Variants in IQSEC1 observed in about 807,000 individuals in gnomAD.
IQSEC1 encodes IQ motif and Sec7 domain ArfGEF 1, also known as IQ motif and SEC7 domain-containing protein 1.
In IQSEC1, 31 loss-of-function variants were observed where a neutral mutation model predicts 91.0. The observed-to-expected ratio is 0.34, with a 90% CI of 0.26 to 0.46. IQSEC1 has a LOEUF of 0.46. Among genes scored for constraint, IQSEC1 ranks in the 20% least tolerant of loss-of-function variants. The pLI, the probability that IQSEC1 is intolerant of heterozygous loss-of-function variation, is 1.00. For synonymous variants in IQSEC1, 699 were observed against 662.6 expected, an observed-to-expected ratio of 1.05 and a Z score of -0.84; for missense variants, 1,388 against 1,575.6, an observed-to-expected ratio of 0.88 and a Z score of 2.02.
In IQSEC1 at chr3:13,211,586, A is replaced by T. The variant is rs80007365; in HGVS notation, c.273-47453T>A. Among the ~76,000 whole-genome samples the T allele has an allele frequency of 7.1e-3, 1,077 of 152,186 alleles. 12 individuals carry two copies. The highest frequency in any genetic ancestry group is 0.024 in the African/African-American group (998 of 41,536). On this transcript the variant is annotated intron_variant, in intron 1 of 15. Transcript: ENST00000648114. This position sits in a 1 kb window ranked among gnomAD's most constrained non-coding sequence, Gnocchi z 5.3. ...TAGGAGCCCACAGGGCCAGCAGGAGAGTCACCATCCTTGCCTCTCCATGGC... is the reference window on the plus strand; with the variant it reads ...TAGGAGCCCACAGGGCCAGCAGGAGTGTCACCATCCTTGCCTCTCCATGGC...
At chr3:13,144,860 G>A (rs1279437682) in intron 2 of IQSEC1, among the ~76,000 whole-genome samples, 1 of 152,232 alleles carries the variant, frequency 6.6e-6, no homozygotes, top group Admixed American at 6.5e-5. Flanking sequence ...TCTGGAAGCA[G>A]CGCTTGGGCC....
chr3:12,915,808 G>T, intron 6 of IQSEC1, 75 bp from the exon 7 acceptor site: 1 of 1,561,912 alleles, frequency 6.4e-7, no homozygotes. Context: ...AAGCAAATCA[G>T]AGGAGCGAAC....
chr3:13,116,180 A>T (rs1012791755), intron 2 of IQSEC1, among the ~76,000 whole-genome samples: 2 of 152,180 alleles, frequency 1.3e-5, no homozygotes. Flanking sequence ...AGTGCTGACT[A>T]GGTGCCTGTG....
At chr3:12,980,522 C>A (rs575353273) in intron 1 of IQSEC1, among the ~76,000 whole-genome samples, 1 of 152,180 alleles carries the variant, frequency 6.6e-6, no homozygotes, top group Non-Finnish European at 1.5e-5. Context: ...GGTTTGGAAC[C>A]CCCTGGAGTG....
upstream of IQSEC1, among the ~76,000 whole-genome samples, chr3:13,073,778 C>T (rs1705514103): frequency 6.6e-6 from 1 of 152,264 alleles, no homozygotes; most frequent in East Asian, 1.9e-4. Context: ...CCGGCCGACT[C>T]CAAGGCTGTC....
intron 2 of IQSEC1, among the ~76,000 whole-genome samples, chr3:13,152,996 C>A (rs985678531): frequency 1.3e-5 from 2 of 152,106 alleles, no homozygotes; most frequent in African/African-American, 4.8e-5. Context: ...TACCTCTGGG[C>A]TGTCCCCTCT....
intron 1 of IQSEC1, among the ~76,000 whole-genome samples, chr3:12,986,607 C>T (rs1407239124): frequency 4.6e-5 from 7 of 152,186 alleles, no homozygotes; most frequent in Non-Finnish European, 1.0e-4. Context: ...AGTGGGAGGT[C>T]GGTCCTCTAC....
intron 2 of IQSEC1, among the ~76,000 whole-genome samples, chr3:13,090,264 C>T (rs563727835): frequency 7.2e-5 from 11 of 151,784 alleles, no homozygotes; most frequent in Non-Finnish European, 1.6e-4. Context: ...TTTTAAATTT[C>T]TATATTCTAT....
In IQSEC1 at chr3:13,259,456, G is replaced by A. The variant is rs1316198255; in HGVS notation, c.272+23255C>T. ...GCACCCCATCAAAACAGTGGCGGGT[G>A]AGATAGCACTGTCATCGCCGGCCAC... On this transcript the variant is annotated intron_variant, in intron 1 of 15. Coordinates refer to the IQSEC1 transcript ENST00000648114. This position sits in a 1 kb window ranked among gnomAD's most constrained non-coding sequence, Gnocchi z 4.6. Among the ~76,000 whole-genome samples the A allele has an allele frequency of 1.3e-5, 2 of 152,192 alleles. No homozygotes were observed. Among genetic ancestry groups the A allele is most frequent in the African/African-American group, 2.4e-5 (1 of 41,460 alleles).
Position 13,021,151 on chromosome 3 carries a change from C to T in IQSEC1, c.23+51841G>A, listed in dbSNP as rs143455166. Among the ~76,000 whole-genome samples, 686 of 152,308 alleles carry T rather than the reference C, an allele frequency of 4.5e-3. 7 individuals carry two copies. Among genetic ancestry groups the T allele is most frequent in the African/African-American group, 0.014 (598 of 41,546 alleles). ...CCCTAAGCCCTTCCATATACAAATTCGGGCCCCGTGTAGTTCCCCTTTACA... is the reference window on the plus strand; with the variant it reads ...CCCTAAGCCCTTCCATATACAAATTTGGGCCCCGTGTAGTTCCCCTTTACA... On this transcript the variant is annotated intron_variant, in intron 1 of 13. Coordinates refer to ENST00000613206, the MANE Select transcript of IQSEC1 (RefSeq NM_001134382.3).
At chr3:12,958,245 G>A (rs910874795) in intron 1 of IQSEC1, among the ~76,000 whole-genome samples, 2 of 152,218 alleles carry the variant, frequency 1.3e-5, no homozygotes, top group Non-Finnish European at 2.9e-5. Context: ...CAGCACAGGG[G>A]CACAGAAAGG....
chr3:13,174,838 C>A (rs60840592), intron 1 of IQSEC1, among the ~76,000 whole-genome samples: 8 of 83,910 alleles, frequency 9.5e-5, no homozygotes, highest in East Asian at 3.6e-4. Flanking sequence ...TCTGCTCCCC[C>A]CCCCCACCTC....
Position 12,899,428 on chromosome 3 carries a change from G to C in IQSEC1, c.*1555C>G. ...ACTGACGGCTGCAGTGGCTCGAAAG[G>C]CTGAAACTACAAAGTATGGCCCGTG... On this transcript the variant is annotated 3_prime_UTR_variant, in exon 14 of 14. Coordinates refer to ENST00000613206, the MANE Select transcript of IQSEC1 (RefSeq NM_001134382.3). 1.2e-6 allele frequency: 2 copies of C among 1,610,812 alleles called. No individual in the cohort carries two copies. The highest frequency in any genetic ancestry group is 1.7e-6 in the Non-Finnish European group (2 of 1,179,148).
At chr3:13,232,122 C>T (rs1278329444) in intron 1 of IQSEC1, among the ~76,000 whole-genome samples, 2 of 152,310 alleles carry the variant, frequency 1.3e-5, no homozygotes, top group Non-Finnish European at 2.9e-5. Context: ...TTATAAAATA[C>T]GTGCTGGGTG....
intron 1 of IQSEC1, among the ~76,000 whole-genome samples, chr3:13,247,545 C>T (rs1695128648): frequency 6.6e-6 from 1 of 152,212 alleles, no homozygotes; most frequent in African/African-American, 2.4e-5. Context: ...ACTTGGCTCT[C>T]TCCTTCTTTT....
chr3:13,041,797 C>T lies in IQSEC1; in HGVS notation c.23+31195G>A, dbSNP rs75943222. ...AGGCTTAAAGAGGGAAAGTGACTCG[C>T]CCAAGATCGCGCAGCCAGGAAAGGG... is the stretch of plus-strand genomic sequence containing the variant. On this transcript the variant is annotated intron_variant, in intron 1 of 13. Coordinates refer to ENST00000613206, the MANE Select transcript of IQSEC1 (RefSeq NM_001134382.3). Among the ~76,000 whole-genome samples the T allele has an allele frequency of 3.3e-3, 501 of 152,314 alleles. 2 individuals carry two copies. The highest frequency in any genetic ancestry group is 0.011 in the African/African-American group (475 of 41,562).
At chr3:12,995,929 A>G (rs1649830033) in intron 1 of IQSEC1, among the ~76,000 whole-genome samples, 1 of 152,226 alleles carries the variant, frequency 6.6e-6, no homozygotes, top group South Asian at 2.1e-4. Flanking sequence ...CTGTAATCCC[A>G]GTGCTTTGGG....
intron 1 of IQSEC1, among the ~76,000 whole-genome samples, chr3:12,974,920 G>A (rs1701088938): frequency 6.6e-6 from 1 of 152,232 alleles, no homozygotes; most frequent in African/African-American, 2.4e-5. Flanking sequence ...CCTGAGCTCT[G>A]TCCCCCGTGT....
At chr3:13,268,530 C>G (rs1695535442) in intron 1 of IQSEC1, among the ~76,000 whole-genome samples, 1 of 152,160 alleles carries the variant, frequency 6.6e-6, no homozygotes. Context: ...AAGGGTTGAG[C>G]AAGACTCCCA....
Sources: gnomAD v4.1 joint callset for allele counts (sites outside exome capture counted in the v4.1 genomes callset) on GRCh38, gnomAD v4.1.1 for gene constraint, Gnocchi (gnomAD v3.1) non-coding constraint, MANE v1.5 for transcripts, NCBI Gene and HGNC (gene_info 2026-07-23, HGNC 2026-07-21) for gene names.